The following MAF variants were observed in gnomAD, a reference collection of about 807,000 sequenced individuals.
MAF encodes transcription factor Maf.
A neutral mutation model predicts 22.0 loss-of-function variants in MAF; 10 were observed. The ratio of observed to expected loss-of-function variants is 0.45; its 90% CI spans 0.28 to 0.77. The LOEUF (loss-of-function observed/expected upper bound fraction) is 0.77, where lower values mean the gene tolerates loss of function less well. MAF is among the 30% of genes least tolerant of loss of function. MAF has a pLI of 0.12. For missense variants in MAF, 544 were observed against 548.4 expected, an observed-to-expected ratio of 0.99 and a Z score of 0.08; for synonymous variants, 337 against 255.8, an observed-to-expected ratio of 1.32 and a Z score of -3.03.
the MAF span, chr16:79,203,392 G>C: frequency 6.6e-6 from 1 of 152,124 alleles, no homozygotes; most frequent in Non-Finnish European, 1.5e-5. Flanking sequence ...GGGCCTACCT[G>C]TGAGATCTGA....
chr16:79,450,506 G>T, the MAF span, among the ~76,000 whole-genome samples: 1 of 152,120 alleles, frequency 6.6e-6, no homozygotes, highest in Non-Finnish European at 1.5e-5. Context: ...ATAATAAGGA[G>T]GCTTTTCCCC....
the MAF span, among the ~76,000 whole-genome samples, chr16:79,543,060 G>A: frequency 6.6e-6 from 1 of 152,212 alleles, no homozygotes; most frequent in East Asian, 1.9e-4. Flanking sequence ...AACAGTAAAT[G>A]TTAAGCCTTT....
the MAF span, among the ~76,000 whole-genome samples, chr16:79,216,380 TAC>T: frequency 2.6e-5 from 4 of 152,260 alleles, no homozygotes; most frequent in African/African-American, 7.2e-5. Flanking sequence ...CATATATGTA[TAC>T]AGATGATCCC....
the MAF span, among the ~76,000 whole-genome samples, chr16:79,392,791 C>A: frequency 6.6e-6 from 1 of 152,156 alleles, no homozygotes; most frequent in East Asian, 1.9e-4. Flanking sequence ...GCTTCCCTAC[C>A]TTTGGCATGT....
the MAF span, among the ~76,000 whole-genome samples, chr16:79,577,955 T>G: frequency 1.3e-5 from 2 of 152,196 alleles, no homozygotes; most frequent in South Asian, 4.1e-4. Context: ...CTCAGTCTGT[T>G]CAATACCCTT....
At chr16:79,516,837 G>T in the MAF span, among the ~76,000 whole-genome samples, 1 of 47,304 alleles carries the variant, frequency 2.1e-5, no homozygotes, top group South Asian at 8.2e-4. Context: ...TAACGTCTCA[G>T]GGCCAAGTTC....
chr16:79,594,507 A>C lies in MAF; in HGVS notation c.1165T>G (p.Phe389Val). The C allele has an allele frequency of 1.9e-6, 3 of 1,567,584 alleles. No homozygotes were observed. The highest frequency in any genetic ancestry group is 2.6e-6 in the Non-Finnish European group (3 of 1,153,368). The change falls in exon 2 of 2, where the codon TTT (phenylalanine) becomes GTT (valine). Residue 389 changes from phenylalanine (F) to valine (V), a missense_variant. Phe to Val is a conservative substitution (Grantham distance 50). This residue lies in a region of MAF where 129 missense variants were observed against 113.6 expected (regional missense o/e 1.14). Coordinates refer to ENST00000326043, the MANE Select transcript of MAF (RefSeq NM_005360.5). Reference protein sequence around the residue: ...KLEPSVGYATFWKPQHRVLTS... With the variant: ...KLEPSVGYATVWKPQHRVLTS... ...AGTACACGATGCTGGGGCTTCCAAA[A>C]TGTGGCGTATCCCACTGATGGCTCC... is the stretch of plus-strand genomic sequence containing the variant.
the MAF span, among the ~76,000 whole-genome samples, chr16:79,570,530 C>T: frequency 6.6e-6 from 1 of 152,174 alleles, no homozygotes; most frequent in Non-Finnish European, 1.5e-5. Flanking sequence ...TTGTGCTTAC[C>T]ACCAGACTAG....
chr16:79,332,536 T>C, the MAF span, among the ~76,000 whole-genome samples: 1 of 152,222 alleles, frequency 6.6e-6, no homozygotes, highest in Non-Finnish European at 1.5e-5. Flanking sequence ...CTGACTTCAA[T>C]GATCTACCCA....
the MAF span, among the ~76,000 whole-genome samples, chr16:79,284,644 T>A: frequency 6.6e-6 from 1 of 152,144 alleles, no homozygotes; most frequent in Non-Finnish European, 1.5e-5. Context: ...AAAACAAGGG[T>A]GACTTTTTAA....
the MAF span, among the ~76,000 whole-genome samples, chr16:79,553,184 C>T: frequency 1.3e-5 from 2 of 152,244 alleles, no homozygotes; most frequent in Admixed American, 6.5e-5. Context: ...TGCTGATGCT[C>T]TGCCTCGGCA....
At chr16:79,343,735 T>C in the MAF span, among the ~76,000 whole-genome samples, 1 of 152,350 alleles carries the variant, frequency 6.6e-6, no homozygotes, top group South Asian at 2.1e-4. Flanking sequence ...GATTATTTAT[T>C]AGTATTCTTC....
At chr16:79,357,314 G>T in the MAF span, among the ~76,000 whole-genome samples, 57,245 of 150,512 alleles carry the variant, frequency 0.38, 12,263 homozygotes, top group Non-Finnish European at 0.51. Context: ...CTGGCCTGTG[G>T]TGGCGGGCGC....
the MAF span, among the ~76,000 whole-genome samples, chr16:79,358,920 T>A: frequency 6.6e-6 from 1 of 152,166 alleles, no homozygotes; most frequent in East Asian, 1.9e-4. Flanking sequence ...AGTGCTGTGA[T>A]GAGGCCCTTC....
the MAF span, among the ~76,000 whole-genome samples, chr16:79,259,897 T>G: frequency 6.6e-6 from 1 of 152,044 alleles, no homozygotes; most frequent in African/African-American, 2.4e-5. Flanking sequence ...TCAGAAGGAC[T>G]TGGAAAACCA....
At chr16:79,513,015 C>T in the MAF span, among the ~76,000 whole-genome samples, 7 of 152,342 alleles carry the variant, frequency 4.6e-5, no homozygotes, top group Middle Eastern at 6.8e-3. Flanking sequence ...TAGGTCTGCC[C>T]AGAGGGAGTG....
the MAF span, among the ~76,000 whole-genome samples, chr16:79,366,746 T>G: frequency 1.5e-4 from 23 of 152,326 alleles, no homozygotes; most frequent in South Asian, 2.7e-3. Flanking sequence ...GTGAGAAACG[T>G]ATGGTGCTAG....
chr16:79,458,246 G>C, the MAF span, among the ~76,000 whole-genome samples: 4 of 151,670 alleles, frequency 2.6e-5, no homozygotes, highest in East Asian at 5.8e-4. Context: ...TATAATATTA[G>C]AGAGCCTGGG....
At chr16:79,271,352 A>C in the MAF span, among the ~76,000 whole-genome samples, 1 of 152,190 alleles carries the variant, frequency 6.6e-6, no homozygotes, top group Non-Finnish European at 1.5e-5. Context: ...CCAGCCTCCC[A>C]ATGTATGTAA....
Sources: gnomAD v4.1 joint callset for allele counts (sites outside exome capture counted in the v4.1 genomes callset) on GRCh38, gnomAD v4.1.1 for gene constraint, gnomAD v4.1.1 regional missense constraint, MANE v1.5 for transcripts, NCBI Gene and HGNC (gene_info 2026-07-23, HGNC 2026-07-21) for gene names.